Variants in IL1RAPL2 observed in about 807,000 individuals in gnomAD.
IL1RAPL2 encodes the protein interleukin 1 receptor accessory protein like 2.
In IL1RAPL2, 3 loss-of-function variants were observed where a neutral mutation model predicts 44.1. The observed-to-expected ratio is 0.07, with a 90% CI of 0.03 to 0.18. IL1RAPL2 has a LOEUF of 0.18. Ranked by LOEUF, IL1RAPL2 falls within the 10% of genes least tolerant of loss-of-function variation. The pLI is 1.00. For missense variants in IL1RAPL2, 391 were observed against 496.4 expected (o/e 0.79, Z 2.02); for synonymous variants, 181 against 178.8 (o/e 1.01, Z -0.10).
At chrX:105,055,487 TA>T (rs1337718634) in intron 2 of IL1RAPL2, among the ~76,000 whole-genome samples, 1 of 111,969 alleles carries the variant, frequency 8.9e-6, no homozygotes, top group Non-Finnish European at 1.9e-5. Flanking sequence ...TTATAAAGAA[TA>T]AGTTGGTTCT....
At chrX:105,133,243 TAGAG>T (rs747412995) in intron 2 of IL1RAPL2, among the ~76,000 whole-genome samples, 1 of 112,063 alleles carries the variant, frequency 8.9e-6, no homozygotes, top group Admixed American at 9.5e-5. Flanking sequence ...TTCATAATTT[TAGAG>T]AGATATGTAA....
At chrX:104,623,490 C>A (rs1368303750) in intron 1 of IL1RAPL2, among the ~76,000 whole-genome samples, 1 of 110,521 alleles carries the variant, frequency 9.0e-6, no homozygotes. Flanking sequence ...TAGATTGAAA[C>A]AGGTCATGAT....
intron 2 of IL1RAPL2, among the ~76,000 whole-genome samples, chrX:104,801,938 C>A (rs762349658): frequency 9.0e-6 from 1 of 111,521 alleles, no homozygotes; most frequent in Non-Finnish European, 1.9e-5. Flanking sequence ...GCCCTGCAAC[C>A]CAAAACACTC....
intron 2 of IL1RAPL2, among the ~76,000 whole-genome samples, chrX:105,144,361 A>G (rs1335277124): frequency 9.0e-6 from 1 of 110,761 alleles, no homozygotes; most frequent in Non-Finnish European, 1.9e-5. Context: ...GAGCAGACTT[A>G]CCTTCAATAT....
At chrX:105,186,082 G>A (rs1354663511) in intron 2 of IL1RAPL2, among the ~76,000 whole-genome samples, 9 of 111,731 alleles carry the variant, frequency 8.1e-5, no homozygotes, top group Non-Finnish European at 1.5e-4. Context: ...GAAACGATGC[G>A]TGTAGGTCAT....
chrX:105,210,184 C>G (rs1445823445), intron 3 of IL1RAPL2, among the ~76,000 whole-genome samples: 1 of 112,158 alleles, frequency 8.9e-6, no homozygotes, highest in Admixed American at 9.4e-5. Flanking sequence ...AGTGTCTGCT[C>G]TCCTTTTCCC....
At chrX:104,647,502 C>T in intron 1 of IL1RAPL2, 2 of 545,623 alleles carry the variant, frequency 3.7e-6, no homozygotes, top group Non-Finnish European at 3.3e-6. Context: ...AAGGACACAT[C>T]GTCCAGGATG....
chrX:105,583,218 T>C (rs1000736834), intron 6 of IL1RAPL2, among the ~76,000 whole-genome samples: 1 of 106,073 alleles, frequency 9.4e-6, no homozygotes, highest in African/African-American at 3.4e-5. Context: ...CTCTGCAACC[T>C]CCGTCTCCCA....
At chrX:105,707,816 TC>T (rs2038176862) in intron 6 of IL1RAPL2, among the ~76,000 whole-genome samples, 1 of 111,309 alleles carries the variant, frequency 9.0e-6, no homozygotes, top group African/African-American at 3.3e-5. Context: ...ACTTTTAACT[TC>T]CTGTGACATG....
intron 2 of IL1RAPL2, among the ~76,000 whole-genome samples, chrX:104,897,589 C>T: frequency 8.9e-6 from 1 of 112,381 alleles, no homozygotes; most frequent in East Asian, 2.8e-4. Context: ...TTGTGACCAT[C>T]ATTAATCTAC....
At chrX:105,554,203 T>G (rs1202737068) in intron 6 of IL1RAPL2, among the ~76,000 whole-genome samples, 4 of 112,876 alleles carry the variant, frequency 3.5e-5, no homozygotes, top group African/African-American at 1.3e-4. Context: ...CAGTTTGTAC[T>G]ATATAATGTG....
In IL1RAPL2 at chrX:105,007,199, A is replaced by G. The variant is rs191956050; in HGVS notation, c.83-188276A>G. Among the ~76,000 whole-genome samples, 75 of 111,682 alleles carry G rather than the reference A, an allele frequency of 6.7e-4. 1 individual carries two copies. The highest frequency in any genetic ancestry group is 2.4e-3 in the African/African-American group (74 of 30,897). ...TATAATGGGAGAACTATGACTAATG[A>G]GAGGTGCTCAGTTATTTATTGAACA... On this transcript the variant is annotated intron_variant, in intron 2 of 10. Coordinates refer to ENST00000372582, the MANE Select transcript of IL1RAPL2 (RefSeq NM_017416.2).
intron 2 of IL1RAPL2, among the ~76,000 whole-genome samples, chrX:104,969,864 C>T (rs1043874124): frequency 4.5e-5 from 5 of 111,782 alleles, no homozygotes; most frequent in Non-Finnish European, 9.4e-5. Context: ...TGTCTGGCTA[C>T]TCCAAGCTTT....
chrX:105,753,553 G>A (rs2038613005), intron 9 of IL1RAPL2, among the ~76,000 whole-genome samples: 1 of 111,449 alleles, frequency 9.0e-6, no homozygotes, highest in Non-Finnish European at 1.9e-5. Context: ...TATCCTGCAC[G>A]TGATTGGAAC....
At chrX:104,831,123 TAAAC>T (rs1003927146) in intron 2 of IL1RAPL2, among the ~76,000 whole-genome samples, 2 of 111,876 alleles carry the variant, frequency 1.8e-5, no homozygotes, top group African/African-American at 6.5e-5. Context: ...AGATAATTAT[TAAAC>T]AATAACTATG....
At chrX:104,887,617 C>T (rs1178803523) in intron 2 of IL1RAPL2, among the ~76,000 whole-genome samples, 8 of 111,878 alleles carry the variant, frequency 7.2e-5, no homozygotes, top group Non-Finnish European at 1.3e-4. Flanking sequence ...CCAGGCACTA[C>T]TCCTTGAGGG....
intron 2 of IL1RAPL2, among the ~76,000 whole-genome samples, chrX:104,836,080 T>A (rs766899989): frequency 8.3e-4 from 93 of 112,045 alleles, no homozygotes; most frequent in African/African-American, 2.8e-3. Flanking sequence ...TATTCAGCCA[T>A]AAAAATAAAG....
At chrX:105,368,929 C>G (rs1294331859) in intron 5 of IL1RAPL2, among the ~76,000 whole-genome samples, 1 of 108,816 alleles carries the variant, frequency 9.2e-6, no homozygotes, top group Admixed American at 1.0e-4. Flanking sequence ...ACCTGTCTTC[C>G]TGTCTTCTTC....
intron 1 of IL1RAPL2, among the ~76,000 whole-genome samples, chrX:104,618,072 G>T (rs1022624429): frequency 3.6e-5 from 4 of 111,822 alleles, no homozygotes; most frequent in Non-Finnish European, 5.6e-5. Context: ...CCTGCAGGGG[G>T]TACAACTGTA....
Sources: gnomAD v4.1 joint callset for allele counts (sites outside exome capture counted in the v4.1 genomes callset) on GRCh38, gnomAD v4.1.1 for gene constraint, MANE v1.5 for transcripts, NCBI Gene and HGNC (gene_info 2026-07-23, HGNC 2026-07-21) for gene names.